The following TRAPPC6B variants were observed in gnomAD, a reference collection of about 807,000 sequenced individuals.
TRAPPC6B encodes the protein TRAPP complex subunit 6B.
In TRAPPC6B, 27 loss-of-function variants were observed where a neutral mutation model predicts 24.7. That is an observed-to-expected ratio of 1.09 (90% CI 0.81 to 1.51). The LOEUF (loss-of-function observed/expected upper bound fraction) is 1.51. Among genes scored for constraint, TRAPPC6B ranks in the 40% most tolerant of loss-of-function variants. The pLI is 0.00. For missense variants in TRAPPC6B, 212 were observed against 190.8 expected, an observed-to-expected ratio of 1.11 and a Z score of -0.66; for synonymous variants, 80 against 66.6, an observed-to-expected ratio of 1.20 and a Z score of -0.98.
intron 3 of TRAPPC6B, among the ~76,000 whole-genome samples, 200 bp from the exon 4 acceptor site, chr14:39,154,494 A>G (rs1295815595): frequency 6.6e-6 from 1 of 152,146 alleles, no homozygotes; most frequent in Non-Finnish European, 1.5e-5. Flanking sequence ...ATTACGCCTC[A>G]CTGCAGCCTC....
At chr14:39,169,940 G>GAA in intron 1 of TRAPPC6B, 75 bp downstream of exon 1, 1 of 1,471,150 alleles carries the variant, frequency 6.8e-7, no homozygotes, top group Non-Finnish European at 9.5e-7. Flanking sequence ...ATGGGACAGG[G>GAA]GTTGAAGGAA....
intron 1 of TRAPPC6B, among the ~76,000 whole-genome samples, chr14:39,163,885 G>A (rs936969581): frequency 6.6e-6 from 1 of 150,818 alleles, no homozygotes; most frequent in Non-Finnish European, 1.5e-5. Flanking sequence ...TCTTCAGCCT[G>A]CTCTGCCTCC....
chr14:39,151,232 T>C (rs1016957016), intron 5 of TRAPPC6B, among the ~76,000 whole-genome samples: 1 of 151,426 alleles, frequency 6.6e-6, no homozygotes, highest in Non-Finnish European at 1.5e-5. Flanking sequence ...CTACTAAAAA[T>C]ACAAAAAATT....
rs752202085 is a variant in TRAPPC6B, at chr14:39,158,295, GT to G, written c.256del (p.Thr86GlnfsTer27). On this transcript the variant is annotated frameshift_variant, in exon 3 of 6. Coordinates refer to ENST00000330149, the MANE Select transcript of TRAPPC6B (RefSeq NM_001079537.2). LOFTEE classifies it high-confidence loss of function. ...AATTAATTTAATTACCTGATGATTT[GT>G]CCTTAGATTGTCGATTTGTTTCTTG... Reference protein sequence around the residue: ...VFKKQIDNLRTNHQGIYVLQD... With the variant: ...VFKKQIDNLRXNHQGIYVLQD... 2.5e-6 allele frequency: 4 copies of G among 1,569,838 alleles called. No homozygotes were observed. The East Asian group carries it at 9.0e-5, about 35-fold the overall frequency.
At chr14:39,160,634 G>C (rs936458122) in intron 1 of TRAPPC6B, among the ~76,000 whole-genome samples, 3 of 151,222 alleles carry the variant, frequency 2.0e-5, no homozygotes, top group African/African-American at 7.3e-5. Context: ...GGGGAGGGAA[G>C]GGAAGGGAAG....
chr14:39,169,741 A>G (rs1403022227), intron 1 of TRAPPC6B, among the ~76,000 whole-genome samples: 1 of 152,210 alleles, frequency 6.6e-6, no homozygotes, highest in Non-Finnish European at 1.5e-5. Flanking sequence ...GGACAACACT[A>G]AAAGTACCAA....
intron 1 of TRAPPC6B, among the ~76,000 whole-genome samples, chr14:39,160,620 G>A (rs766081065): frequency 6.6e-6 from 1 of 151,090 alleles, no homozygotes; most frequent in African/African-American, 2.4e-5. Flanking sequence ...AAGAGGGGAG[G>A]GGAGGGGAGG....
At chr14:39,168,301 G>C (rs1290577143) in intron 1 of TRAPPC6B, among the ~76,000 whole-genome samples, 2 of 152,050 alleles carry the variant, frequency 1.3e-5, no homozygotes, top group African/African-American at 4.8e-5. Flanking sequence ...AGTGGTTTGG[G>C]GGGATCGGGG....
intron 4 of TRAPPC6B, among the ~76,000 whole-genome samples, chr14:39,153,091 G>A (rs1021012067): frequency 4.6e-5 from 7 of 151,944 alleles, no homozygotes; most frequent in Non-Finnish European, 7.4e-5. Flanking sequence ...AGGAGTTTGA[G>A]ACTAGCCTCG....
At chr14:39,153,406 T>C (rs529242571) in intron 4 of TRAPPC6B, among the ~76,000 whole-genome samples, 182 of 151,726 alleles carry the variant, frequency 1.2e-3, no homozygotes, top group Non-Finnish European at 2.1e-3. Flanking sequence ...GGTGAGGTGA[T>C]CACTTGAGCC....
Position 39,155,432 on chromosome 14 carries a change from G to T in TRAPPC6B, c.268-1138C>A, listed in dbSNP as rs150632138. 4.1e-3 allele frequency among the ~76,000 whole-genome samples: 621 copies of T among 152,226 alleles called. 3 individuals are homozygous for T. The highest frequency in any genetic ancestry group is 0.014 in the African/African-American group (586 of 41,550). On this transcript the variant is annotated intron_variant, in intron 3 of 5. Coordinates refer to ENST00000330149, the MANE Select transcript of TRAPPC6B (RefSeq NM_001079537.2). ...AATTTTGTATTTTTAGTAGAGACGG[G>T]GTTTCTCCATGTTGGCAGGGCTGGT...
chr14:39,156,312 C>A (rs1187804869), intron 3 of TRAPPC6B, among the ~76,000 whole-genome samples: 1 of 152,192 alleles, frequency 6.6e-6, no homozygotes, highest in Non-Finnish European at 1.5e-5. Context: ...TAGTGAGACA[C>A]TGTCTCTAAT....
chr14:39,170,064 T>A lies in TRAPPC6B; in HGVS notation c.32A>T (p.His11Leu), dbSNP rs750228281. Residue 11 changes from histidine (H) to leucine (L), a missense_variant, in exon 1 of 6, where the codon CAT becomes CTT. His to Leu is a moderately conservative substitution (Grantham distance 99). Transcript: ENST00000330149. ...GTACACTCCAGACACCATCTCGTTA[T>A]GGAGAAGCAAAAACAACGCCTCATC... MADEALFLLLHNEMVSGVYKS... is the reference protein window; with the variant it reads MADEALFLLLLNEMVSGVYKS... 6.2e-7 allele frequency: 1 copy of A among 1,614,134 alleles called. No individual in the cohort carries two copies. Among genetic ancestry groups the A allele is most frequent in the Admixed American group, 1.7e-5 (1 of 60,000 alleles).
intron 1 of TRAPPC6B, among the ~76,000 whole-genome samples, chr14:39,162,227 C>G (rs888487497): frequency 2.0e-5 from 3 of 152,144 alleles, no homozygotes; most frequent in African/African-American, 7.2e-5. Context: ...CTGGCGAGAT[C>G]ATGGTTCATT....
intron 1 of TRAPPC6B, among the ~76,000 whole-genome samples, chr14:39,168,574 A>G (rs1049618222): frequency 6.6e-6 from 1 of 152,106 alleles, no homozygotes; most frequent in East Asian, 1.9e-4. Context: ...CAAAAGTTCA[A>G]CCTGCCCCGA....
At chr14:39,151,458 G>A (rs1357977758) in intron 5 of TRAPPC6B, among the ~76,000 whole-genome samples, 3 of 150,344 alleles carry the variant, frequency 2.0e-5, no homozygotes, top group African/African-American at 7.4e-5. Context: ...TTAAAACACT[G>A]CAGGAGATAT....
chr14:39,148,361 C>T lies in TRAPPC6B; in HGVS notation c.*1989G>A, dbSNP rs758590753. On this transcript the variant is annotated 3_prime_UTR_variant, in exon 6 of 6. Coordinates refer to ENST00000330149, the MANE Select transcript of TRAPPC6B (RefSeq NM_001079537.2). ...AGTAAGCCAATTACCATGATTGGCA[C>T]AGAATCTAATCAACACTCACCCTCT... 2 of 284,438 alleles carry T rather than the reference C, an allele frequency of 7.0e-6. No individual in the cohort carries two copies. The highest frequency in any genetic ancestry group is 4.3e-5 in the African/African-American group (2 of 46,478). The allele number at this position is 284,438 out of a possible 1,614,324, so 17.6% of individuals were successfully genotyped here. A position where few individuals can be genotyped will look rare whatever the true frequency, so the allele number is the denominator to read the frequency against.
intron 4 of TRAPPC6B, among the ~76,000 whole-genome samples, chr14:39,152,875 T>C (rs1188946699): frequency 2.0e-5 from 3 of 152,136 alleles, no homozygotes; most frequent in Non-Finnish European, 2.9e-5. Context: ...ACTAAGAAGT[T>C]AGTAAAAAAG....
At position 39,152,621 on chromosome 14, in the gene TRAPPC6B, T is replaced by C. The variant is rs2052928416; in HGVS notation, c.352-782A>G. 3.3e-5 allele frequency among the ~76,000 whole-genome samples: 5 copies of C among 152,306 alleles called. No individual in the cohort carries two copies. The South Asian group carries it at 1.0e-3, about 32-fold the overall frequency. The stretch of plus-strand genomic sequence containing the variant: ...CTAATAAGTAACTAGATCTGAGTCA[T>C]GAAATTTTAAGCTGGAAGAGGCCTT... On this transcript the variant is annotated intron_variant, in intron 4 of 5. Coordinates refer to ENST00000330149, the MANE Select transcript of TRAPPC6B (RefSeq NM_001079537.2).
Sources: allele counts gnomAD v4.1 joint callset (sites outside exome capture counted in the v4.1 genomes callset), GRCh38; gene constraint gnomAD v4.1.1; transcripts MANE v1.5; gene names NCBI Gene and HGNC (gene_info 2026-07-23, HGNC 2026-07-21).